REL: variants seen among roughly 807,000 people sequenced by gnomAD.
The protein encoded by REL is proto-oncogene c-Rel.
REL carries 15 observed loss-of-function variants against 45.9 expected under a neutral mutation model. The ratio of observed to expected loss-of-function variants is 0.33; its 90% CI spans 0.22 to 0.50. REL has a LOEUF of 0.50. Among genes scored for constraint, REL ranks in the 20% least tolerant of loss-of-function variants. The pLI is 0.98. For synonymous variants in REL, 239 were observed against 242.1 expected (o/e 0.99, Z 0.12); for missense variants, 601 against 715.2 (o/e 0.84, Z 1.82).
chr2:60,902,046 T>TA (rs1487655469), intron 4 of REL, among the ~76,000 whole-genome samples: 1 of 152,170 alleles, frequency 6.6e-6, no homozygotes, highest in Non-Finnish European at 1.5e-5. Flanking sequence ...ATCCTATACT[T>TA]AGAGTAGCCT....
chr2:60,883,409 C>G (rs1289035791), intron 1 of REL, among the ~76,000 whole-genome samples: 1 of 152,180 alleles, frequency 6.6e-6, no homozygotes, highest in Non-Finnish European at 1.5e-5. Flanking sequence ...TTTCAACTTT[C>G]CCTTTTCCCA....
At chr2:60,921,098 G>GA (rs765644227) in intron 9 of REL, among the ~76,000 whole-genome samples, 106 of 149,696 alleles carry the variant, frequency 7.1e-4, no homozygotes, top group Non-Finnish European at 1.3e-3. Flanking sequence ...ACTTTTTACA[G>GA]AAAAAAAAAT....
intron 1 of REL, among the ~76,000 whole-genome samples, chr2:60,883,765 G>A (rs1043482675): frequency 2.0e-5 from 3 of 151,788 alleles, no homozygotes; most frequent in Non-Finnish European, 4.4e-5. Flanking sequence ...TTGTGAGGAG[G>A]AAGGATTCCC....
Position 60,921,936 on chromosome 2 carries a change from C to G in REL, c.1165C>G (p.Arg389Gly). The G allele has an allele frequency of 6.2e-7, 1 of 1,614,140 alleles. No homozygotes were observed. The highest frequency in any genetic ancestry group is 1.1e-5 in the South Asian group (1 of 91,082). ...GTCATCAGTGGCCCACCCCACCCCACGCTCAGGCAATACAAACCCACTGAG... is the reference window on the plus strand; with the variant it reads ...GTCATCAGTGGCCCACCCCACCCCAGGCTCAGGCAATACAAACCCACTGAG... ...SWSSVAHPTP[R>G]SGNTNPLSSF... is the part of the protein sequence containing the mutation. The change falls in exon 10 of 10, where the codon CGC becomes GGC. Residue 389 changes from arginine (R) to glycine (G), a missense_variant. Around this residue, in one of 4 missense-constraint regions of REL, gnomAD observed 334 missense variants for 333.1 expected, o/e 1.00. Coordinates refer to ENST00000394479, the MANE Select transcript of REL (RefSeq NM_001291746.2).
chr2:60,916,001 C>T (rs762219255), intron 4 of REL, among the ~76,000 whole-genome samples: 3 of 152,314 alleles, frequency 2.0e-5, no homozygotes, highest in South Asian at 4.1e-4. Context: ...ATGTACAACA[C>T]ATGTACAATT....
At chr2:60,886,996 G>A (rs1238254651) in intron 1 of REL, among the ~76,000 whole-genome samples, 1 of 152,160 alleles carries the variant, frequency 6.6e-6, no homozygotes, top group Non-Finnish European at 1.5e-5. Flanking sequence ...CAATTTTGGA[G>A]ACGTTTTGGT....
intron 1 of REL, among the ~76,000 whole-genome samples, chr2:60,882,694 T>A (rs1460168533): frequency 1.3e-5 from 2 of 149,138 alleles, no homozygotes; most frequent in East Asian, 2.0e-4. Context: ...AAAAAAAAAA[T>A]GTAGTTTTTA....
intron 4 of REL, among the ~76,000 whole-genome samples, chr2:60,908,485 A>G (rs1256678768): frequency 6.6e-6 from 1 of 152,228 alleles, no homozygotes; most frequent in Non-Finnish European, 1.5e-5. Context: ...CTAATTGCCA[A>G]AGTCTAAATT....
chr2:60,924,537 C>T lies in REL; in HGVS notation c.*2002C>T, dbSNP rs1674225117. Reference sequence around the variant, plus strand: ...CAAGTCCAGGAATAATAATGGTCATCCAAATTGTTTGAAAGGAAAATAATC... The same window carrying T: ...CAAGTCCAGGAATAATAATGGTCATTCAAATTGTTTGAAAGGAAAATAATC... On this transcript the variant is annotated 3_prime_UTR_variant, in exon 10 of 10. Transcript: ENST00000394479. 2 of 215,644 alleles carry T rather than the reference C, an allele frequency of 9.3e-6. No homozygotes were observed. The highest frequency in any genetic ancestry group is 1.4e-4 in the East Asian group (2 of 14,432). The allele number at this position is 215,644 out of a possible 1,614,324, so 13.4% of individuals were successfully genotyped here.
chr2:60,928,489 G>A lies in REL; in HGVS notation c.*5954G>A, dbSNP rs1264457036. On this transcript the variant is annotated 3_prime_UTR_variant, in exon 10 of 10. Transcript: ENST00000394479. ...ACCAAAACAGAGATATAGATCACTG[G>A]AACAGAACAGAGCCCTCAGAAATAA... is the stretch of plus-strand genomic sequence containing the variant. The A allele has an allele frequency of 6.7e-6, 1 of 149,724 alleles. No homozygotes were observed. The highest frequency in any genetic ancestry group is 1.5e-5 in the Non-Finnish European group (1 of 67,490). 9.3% of individuals were successfully genotyped at this position (149,724 alleles called of 1,614,324 possible).
In REL at chr2:60,918,419, G is replaced by C; in HGVS notation, c.666G>C (p.Leu222Phe). 2 of 1,610,224 alleles carry C rather than the reference G, an allele frequency of 1.2e-6. No individual in the cohort carries two copies. The highest frequency in any genetic ancestry group is 1.7e-6 in the Non-Finnish European group (2 of 1,179,136). The change falls in exon 7 of 10, where the codon TTG becomes TTC. Residue 222 changes from leucine (L) to phenylalanine (F), a missense_variant. Coordinates refer to ENST00000394479, the MANE Select transcript of REL (RefSeq NM_001291746.2). ...ATGACATAGAAGTTCGTTTTGTGTT[G>C]AACGATTGGGAAGCAAAAGGCATCT... ...QKDDIEVRFVLNDWEAKGIFS... is the reference protein window; with the variant it reads ...QKDDIEVRFVFNDWEAKGIFS...
intron 1 of REL, among the ~76,000 whole-genome samples, chr2:60,885,440 A>G (rs1673048835): frequency 6.6e-6 from 1 of 152,116 alleles, no homozygotes; most frequent in African/African-American, 2.4e-5. Flanking sequence ...TTCAAGACTT[A>G]CCTTTTTTCC....
rs34518355 is a variant in REL, at chr2:60,926,668, G to T, written c.*4133G>T. On this transcript the variant is annotated 3_prime_UTR_variant, in exon 10 of 10. Transcript: ENST00000394479. ...CCTGAATGTCCTGATAAACTGGCTC[G>T]CTCTCTTCTTTACCTTCCATAATGG... The T allele has an allele frequency of 8.8e-6, 2 of 227,766 alleles. No homozygotes were observed. Among genetic ancestry groups the T allele is most frequent in the Non-Finnish European group, 1.7e-5 (2 of 114,748 alleles). 14.1% of individuals were successfully genotyped at this position (227,766 alleles called of 1,614,324 possible).
Position 60,929,747 on chromosome 2 carries a change from C to T in REL, c.*7212C>T, listed in dbSNP as rs1171764489. ...TGACGAGTTAGTGGGTGCAGTGCACCAGCATGGCACATGTATACATATGTA... is the reference window on the plus strand; with the variant it reads ...TGACGAGTTAGTGGGTGCAGTGCACTAGCATGGCACATGTATACATATGTA... On this transcript the variant is annotated 3_prime_UTR_variant, in exon 10 of 10. Transcript: ENST00000394479. The T allele has an allele frequency of 6.6e-6, 1 of 151,306 alleles. No homozygotes were observed. The allele number at this position is 151,306 out of a possible 1,614,324, so 9.4% of individuals were successfully genotyped here. A position where few individuals can be genotyped will look rare whatever the true frequency, so the allele number is the denominator to read the frequency against.
At chr2:60,920,545 T>C in intron 8 of REL, 29 bp from the exon 9 acceptor site, 1 of 1,509,570 alleles carries the variant, frequency 6.6e-7, no homozygotes, top group Non-Finnish European at 9.2e-7. Flanking sequence ...CAAATGACAT[T>C]TAATAATGGA....
chr2:60,905,316 A>T (rs1386988750), intron 4 of REL, among the ~76,000 whole-genome samples: 1 of 151,934 alleles, frequency 6.6e-6, no homozygotes, highest in African/African-American at 2.4e-5. Context: ...GGATGGTCTC[A>T]ATCTCCTGAC....
At chr2:60,883,677 A>G (rs1399488139) in intron 1 of REL, among the ~76,000 whole-genome samples, 2 of 152,154 alleles carry the variant, frequency 1.3e-5, no homozygotes, top group Non-Finnish European at 2.9e-5. Context: ...CCATTTCTAT[A>G]TAGAGTATTG....
At chr2:60,903,095 A>G (rs987713745) in intron 4 of REL, among the ~76,000 whole-genome samples, 1 of 152,232 alleles carries the variant, frequency 6.6e-6, no homozygotes, top group African/African-American at 2.4e-5. Context: ...AGGTAAGTCT[A>G]GATGCAATAT....
chr2:60,898,166 A>G (rs1254048873), intron 3 of REL, among the ~76,000 whole-genome samples: 1 of 152,216 alleles, frequency 6.6e-6, no homozygotes, highest in African/African-American at 2.4e-5. Flanking sequence ...CTGGTCTTGC[A>G]TTAACCATTT....
Sources: allele counts gnomAD v4.1 joint callset (sites outside exome capture counted in the v4.1 genomes callset), GRCh38; gene constraint gnomAD v4.1.1; regional missense constraint gnomAD v4.1.1; transcripts MANE v1.5; gene names NCBI Gene and HGNC (gene_info 2026-07-23, HGNC 2026-07-21).